Variants in DCBLD1 observed in about 807,000 individuals in gnomAD.
DCBLD1 encodes the protein discoidin, CUB and LCCL domain-containing protein 1.
DCBLD1 carries 57 observed loss-of-function variants against 71.5 expected under a neutral mutation model. The ratio of observed to expected loss-of-function variants is 0.80; its 90% CI spans 0.64 to 0.99. DCBLD1 has a LOEUF of 0.99. DCBLD1 is among the 50% of genes least tolerant of loss of function. DCBLD1 has a pLI of 0.00. For missense variants in DCBLD1, 891 were observed against 923.5 expected (o/e 0.96, Z 0.46); for synonymous variants, 380 against 363.8 (o/e 1.04, Z -0.51).
intron 2 of DCBLD1, among the ~76,000 whole-genome samples, chr6:117,515,568 A>T (rs1487283698): frequency 6.6e-6 from 1 of 152,212 alleles, no homozygotes; most frequent in Non-Finnish European, 1.5e-5. Context: ...AACATATCTA[A>T]AACAAACAGA....
chr6:117,541,519 C>T (rs1002810211), intron 11 of DCBLD1, among the ~76,000 whole-genome samples: 2 of 148,278 alleles, frequency 1.3e-5, no homozygotes, highest in Non-Finnish European at 1.5e-5. Context: ...GAAGGAGGAA[C>T]AGAGGTAGGA....
chr6:117,505,405 A>G (rs1215685934), intron 2 of DCBLD1, among the ~76,000 whole-genome samples: 1 of 152,148 alleles, frequency 6.6e-6, no homozygotes, highest in Non-Finnish European at 1.5e-5. Flanking sequence ...AAAGTGATGC[A>G]AAGTGCTGCA....
intron 2 of DCBLD1, among the ~76,000 whole-genome samples, chr6:117,514,554 T>C (rs1005188014): frequency 6.8e-6 from 1 of 148,084 alleles, no homozygotes; most frequent in Non-Finnish European, 1.5e-5. Flanking sequence ...ATCACGCCAC[T>C]GCACTCCAAC....
chr6:117,568,446 GTTAGCATT>G (rs1473030955), intron 14 of DCBLD1, among the ~76,000 whole-genome samples: 1 of 152,170 alleles, frequency 6.6e-6, no homozygotes, highest in Non-Finnish European at 1.5e-5. Flanking sequence ...TATGTGCTTA[GTTAGCATT>G]TCCTTAAAAC....
At chr6:117,537,520 C>T (rs969959841) in intron 7 of DCBLD1, among the ~76,000 whole-genome samples, 34 of 144,264 alleles carry the variant, frequency 2.4e-4, no homozygotes, top group Non-Finnish European at 3.4e-4. Flanking sequence ...GGTAACAGAG[C>T]GAGACTCCAT....
intron 14 of DCBLD1, among the ~76,000 whole-genome samples, chr6:117,568,886 T>C (rs1219346230): frequency 6.6e-6 from 1 of 152,218 alleles, no homozygotes; most frequent in African/African-American, 2.4e-5. Context: ...TGAGATGCAA[T>C]TCTACAGAGG....
intron 1 of DCBLD1, among the ~76,000 whole-genome samples, chr6:117,492,389 C>G (rs1321810): frequency 0.031 from 4,650 of 152,276 alleles, 85 homozygotes; most frequent in Non-Finnish European, 0.038. Flanking sequence ...AAAGTGGGAA[C>G]CAGGCACGTA....
chr6:117,545,650 G>C (rs956593725), intron 14 of DCBLD1, 53 bp downstream of exon 14: 2 of 1,575,188 alleles, frequency 1.3e-6, no homozygotes, highest in African/African-American at 2.7e-5. Flanking sequence ...GCTGCTTGTG[G>C]GGGAGGGAGA....
Position 117,482,883 on chromosome 6 carries a change from G to A in DCBLD1, c.102G>A (p.Ala34=). The A allele has an allele frequency of 5.9e-6, 7 of 1,195,242 alleles. No individual in the cohort carries two copies. The highest frequency in any genetic ancestry group is 6.2e-6 in the Non-Finnish European group (6 of 961,852). 74.0% of individuals were successfully genotyped at this position (1,195,242 alleles called of 1,614,324 possible). A position where few individuals can be genotyped will look rare whatever the true frequency, so the allele number is the denominator to read the frequency against. ...TCTCCGCCCCGCTCCGGCTGCAGGCGGAGGAGCTGGGTGAGTGGAGCGCGT... is the reference window on the plus strand; with the variant it reads ...TCTCCGCCCCGCTCCGGCTGCAGGCAGAGGAGCTGGGTGAGTGGAGCGCGT... ...LAVSAPLRLQ[A]EELGDGCGHL... The change falls in exon 1 of 15, where the codon GCG becomes GCA. Residue 34 remains alanine (A), a synonymous_variant. Coordinates refer to ENST00000338728, the MANE Select transcript of DCBLD1 (RefSeq NM_001366458.2).
chr6:117,527,091 A>G (rs1778568704), intron 5 of DCBLD1, among the ~76,000 whole-genome samples: 1 of 152,224 alleles, frequency 6.6e-6, no homozygotes, highest in Non-Finnish European at 1.5e-5. Flanking sequence ...AGTTCTTGCC[A>G]TGTGGACCTT....
chr6:117,507,939 C>A (rs894023773), intron 2 of DCBLD1: 1 of 152,176 alleles, frequency 6.6e-6, no homozygotes, highest in East Asian at 1.9e-4. Context: ...ATCTGCATTA[C>A]ATTTCTTTGC....
rs183925694 is a variant in DCBLD1 at position 117,560,260 on chromosome 6, G to A, written c.1616-9360G>A. On this transcript the variant is annotated intron_variant, in intron 14 of 14. Coordinates refer to the DCBLD1 transcript ENST00000296955. ...TAGAACTACTAGAAATAAATAACAA[G>A]CCAAAATATTTAACGTCAAGGAAAC... is the stretch of plus-strand genomic sequence containing the variant. The A allele has an allele frequency of 3.5e-4, 60 of 172,060 alleles. 1 individual carries two copies. The highest frequency in any genetic ancestry group is 1.4e-3 in the African/African-American group (57 of 42,102). The allele number at this position is 172,060 out of a possible 1,614,324, so 10.7% of individuals were successfully genotyped here.
rs922189092 is a variant in DCBLD1, at chr6:117,497,187, C to T, written c.113-6580C>T. ...CAGCCTGGGCGACAGAGCAAGACTC[C>T]GTCTCAAAAAAAATTTAAAAAAAGT... On this transcript the variant is annotated intron_variant, in intron 1 of 14. Coordinates refer to ENST00000338728, the MANE Select transcript of DCBLD1 (RefSeq NM_001366458.2). 9.2e-5 allele frequency among the ~76,000 whole-genome samples: 14 copies of T among 151,768 alleles called. 1 individual carries two copies. In the East Asian group the frequency reaches 9.6e-4, roughly 10 times the overall value.
chr6:117,550,856 G>C (rs1397376752), downstream of DCBLD1, among the ~76,000 whole-genome samples: 1 of 152,254 alleles, frequency 6.6e-6, no homozygotes, highest in Non-Finnish European at 1.5e-5. Flanking sequence ...TCTGAGAGCA[G>C]TGTTTACCCT....
intron 9 of DCBLD1, 112 bp downstream of exon 9, chr6:117,539,491 C>A: frequency 8.3e-7 from 1 of 1,209,622 alleles, no homozygotes; most frequent in South Asian, 1.6e-5. Context: ...TGAGGCCAAG[C>A]ATGGTGGTTC....
chr6:117,489,414 G>A (rs748052861), intron 1 of DCBLD1, among the ~76,000 whole-genome samples: 1 of 152,174 alleles, frequency 6.6e-6, no homozygotes, highest in Non-Finnish European at 1.5e-5. Flanking sequence ...TCCAACATGA[G>A]ATCTGGAGGG....
intron 5 of DCBLD1, among the ~76,000 whole-genome samples, chr6:117,529,941 A>G (rs1225838901): frequency 1.3e-5 from 2 of 152,218 alleles, no homozygotes; most frequent in Admixed American, 6.5e-5. Context: ...TTTGTTGGCC[A>G]ATGATGCTGT....
chr6:117,501,459 G>A (rs1345952240), intron 1 of DCBLD1, among the ~76,000 whole-genome samples: 2 of 152,098 alleles, frequency 1.3e-5, no homozygotes, highest in Admixed American at 6.5e-5. Flanking sequence ...TCAGCTTCCC[G>A]AGTAGCTGAG....
At chr6:117,525,520 A>G in intron 5 of DCBLD1, 86 bp downstream of exon 5, 1 of 1,008,854 alleles carries the variant, frequency 9.9e-7, no homozygotes, top group Non-Finnish European at 1.4e-6. Context: ...GTAAAGTCAA[A>G]TGAGATATAA....
Sources: gnomAD v4.1 joint callset for allele counts (sites outside exome capture counted in the v4.1 genomes callset) on GRCh38, gnomAD v4.1.1 for gene constraint, MANE v1.5 for transcripts, NCBI Gene and HGNC (gene_info 2026-07-23, HGNC 2026-07-21) for gene names.